The following MACROD1 variants were observed in gnomAD, a reference collection of about 807,000 sequenced individuals.
MACROD1 encodes ADP-ribose glycohydrolase MACROD1.
Under a neutral mutation model 41.4 loss-of-function variants are expected in MACROD1, and 31 were observed. The observed-to-expected ratio is 0.75, with a 90% CI of 0.56 to 1.01. MACROD1 has a LOEUF of 1.01. Among genes scored for constraint, MACROD1 ranks in the 50% least tolerant of loss-of-function variants. MACROD1 has a pLI of 0.00. For synonymous variants in MACROD1, 252 were observed against 203.4 expected (o/e 1.24, Z -2.03); for missense variants, 473 against 460.0 (o/e 1.03, Z -0.26).
chr11:64,066,041 A>T (rs976835400), intron 3 of MACROD1, among the ~76,000 whole-genome samples: 1 of 151,774 alleles, frequency 6.6e-6, no homozygotes, highest in African/African-American at 2.4e-5. Flanking sequence ...CACGCCTGTA[A>T]TCCCAACACT....
rs202201413 is a variant in MACROD1 at position 64,117,137 on chromosome 11, G to A, written c.517+34102C>T. ...TCAGCCACATCCCCTACAACACGCT[G>A]GCCAAGATGCGTGAGCTGGAGCGGC... On this transcript the variant is annotated intron_variant, in intron 3 of 10. Transcript: ENST00000255681. 3.7e-5 allele frequency: 60 copies of A among 1,613,284 alleles called. No homozygotes were observed. The East Asian group carries it at 1.2e-3, about 33-fold the overall frequency.
chr11:64,148,857 C>T (rs753379521), intron 3 of MACROD1: 186 of 985,468 alleles, frequency 1.9e-4, no homozygotes, highest in African/African-American at 2.6e-4. Context: ...GGAGCCAAGG[C>T]CACCCAGGAC....
intron 1 of MACROD1, among the ~76,000 whole-genome samples, chr11:64,161,214 C>T (rs901641418): frequency 3.9e-5 from 6 of 152,098 alleles, no homozygotes; most frequent in African/African-American, 1.2e-4. Context: ...GGGAAACAAG[C>T]TGTGGTACGT....
intron 3 of MACROD1, among the ~76,000 whole-genome samples, chr11:64,034,037 C>T (rs926923600): frequency 6.6e-5 from 10 of 152,298 alleles, no homozygotes; most frequent in East Asian, 1.9e-4. Flanking sequence ...CATTCCACTG[C>T]GAGGCATTGA....
chr11:64,073,722 A>C (rs890219405), intron 3 of MACROD1, among the ~76,000 whole-genome samples: 2 of 152,094 alleles, frequency 1.3e-5, no homozygotes, highest in Non-Finnish European at 2.9e-5. Flanking sequence ...TCGCCTCCCA[A>C]ACACACTCCT....
At chr11:64,076,189 C>T (rs1195539550) in intron 3 of MACROD1, among the ~76,000 whole-genome samples, 1 of 152,230 alleles carries the variant, frequency 6.6e-6, no homozygotes, top group African/African-American at 2.4e-5. Context: ...CCTTCCCTTG[C>T]TGTGCTCCTG....
chr11:64,088,875 C>G (rs1018392146), intron 3 of MACROD1, among the ~76,000 whole-genome samples: 1 of 151,996 alleles, frequency 6.6e-6, no homozygotes, highest in Admixed American at 6.6e-5. Flanking sequence ...CAGGCGGAAT[C>G]GGGTGTATTG....
intron 3 of MACROD1, among the ~76,000 whole-genome samples, chr11:64,112,032 C>A (rs1434788883): frequency 6.6e-6 from 1 of 152,218 alleles, no homozygotes; most frequent in South Asian, 2.1e-4. Flanking sequence ...GGAATCCAGA[C>A]CCCACCTCCT....
At position 64,072,022 on chromosome 11, in the gene MACROD1, C is replaced by T. The variant is rs193116554; in HGVS notation, c.518-56741G>A. On this transcript the variant is annotated intron_variant, in intron 3 of 10. Coordinates refer to ENST00000255681, the MANE Select transcript of MACROD1 (RefSeq NM_014067.4). The stretch of plus-strand genomic sequence containing the variant: ...TCCAGCAGGTCGATAGCAAAACAAA[C>T]GCACTATTGACCGCCGCGCGCACTA... Among the ~76,000 whole-genome samples, 495 of 152,370 alleles carry T rather than the reference C, an allele frequency of 3.2e-3. 1 individual carries two copies. The highest frequency in any genetic ancestry group is 0.01 in the Middle Eastern group (3 of 294).
At chr11:64,027,779 CG>C (rs1175971803) in intron 3 of MACROD1, among the ~76,000 whole-genome samples, 1 of 152,194 alleles carries the variant, frequency 6.6e-6, no homozygotes, top group African/African-American at 2.4e-5. Context: ...AGGATCCTCC[CG>C]GGGCCCCCAG....
intron 4 of MACROD1, chr11:64,001,082 C>T (rs1942817252): frequency 3.7e-6 from 1 of 270,892 alleles, no homozygotes; most frequent in Admixed American, 4.9e-5. Context: ...TGCAGGGCCT[C>T]GCGAGCGACC....
At chr11:64,048,878 C>T (rs924705866) in intron 3 of MACROD1, among the ~76,000 whole-genome samples, 1 of 152,216 alleles carries the variant, frequency 6.6e-6, no homozygotes, top group East Asian at 1.9e-4. Flanking sequence ...AAACCCAAAG[C>T]CGCCCTTGCC....
At chr11:64,148,748 G>A (rs1003703478) in intron 3 of MACROD1, 9 of 985,638 alleles carry the variant, frequency 9.1e-6, no homozygotes, top group African/African-American at 1.7e-5. Flanking sequence ...AAGCCCTGCC[G>A]TTGCCAACGA....
chr11:64,072,434 A>AAC (rs375725201), intron 3 of MACROD1, among the ~76,000 whole-genome samples: 10,081 of 152,226 alleles, frequency 0.066, 390 homozygotes, highest in South Asian at 0.16. Flanking sequence ...AAAAAAAAAA[A>AAC]AATAATAATT....
rs145628694 is a variant in MACROD1 at position 64,067,261 on chromosome 11, C to T, written c.518-51980G>A. Among the ~76,000 whole-genome samples the T allele has an allele frequency of 1.5e-3, 228 of 152,166 alleles. 2 individuals are homozygous for T. In the Middle Eastern group the frequency reaches 0.037, roughly 25 times the overall value. On this transcript the variant is annotated intron_variant, in intron 3 of 10. Coordinates refer to ENST00000255681, the MANE Select transcript of MACROD1 (RefSeq NM_014067.4). The surrounding 1 kb of genome is among the most constrained non-coding windows in gnomAD (Gnocchi z 4.6). ...GGCACCCACTCCCACCTGTGCGGCA[C>T]GAGAGGGAGGGAAGGAGCATCATTA...
chr11:64,131,572 C>T (rs937873893), intron 3 of MACROD1, among the ~76,000 whole-genome samples: 7 of 152,176 alleles, frequency 4.6e-5, no homozygotes, highest in African/African-American at 1.7e-4. Context: ...ATGATCCACC[C>T]GCATCGGCCT....
intron 3 of MACROD1, among the ~76,000 whole-genome samples, chr11:64,043,444 C>T (rs960940462): frequency 1.4e-4 from 21 of 152,162 alleles, no homozygotes; most frequent in African/African-American, 4.1e-4. Flanking sequence ...GGACTCTAAA[C>T]GCCTGGTTGT....
rs1945492441 is a variant in MACROD1 at position 64,146,147 on chromosome 11, C to T, written c.517+5092G>A. Among the ~76,000 whole-genome samples the T allele has an allele frequency of 1.3e-5, 2 of 152,204 alleles. No individual in the cohort carries two copies. ...ATCTGTCAGGAACAAGAAGTCCACA[C>T]ACACAGGTCTGGTGCACCAGGAAAC... is the stretch of plus-strand genomic sequence containing the variant. On this transcript the variant is annotated intron_variant, in intron 3 of 10. Coordinates refer to ENST00000255681, the MANE Select transcript of MACROD1 (RefSeq NM_014067.4). The surrounding 1 kb of genome is among the most constrained non-coding windows in gnomAD (Gnocchi z 4.7).
At chr11:64,158,214 G>A (rs1457081961) in intron 1 of MACROD1, among the ~76,000 whole-genome samples, 3 of 152,084 alleles carry the variant, frequency 2.0e-5, no homozygotes, top group Non-Finnish European at 4.4e-5. Context: ...AGTCACCAAG[G>A]AGAGGATGGC....
Sources: allele counts gnomAD v4.1 joint callset (sites outside exome capture counted in the v4.1 genomes callset), GRCh38; gene constraint gnomAD v4.1.1; non-coding constraint Gnocchi (gnomAD v3.1); transcripts MANE v1.5; gene names NCBI Gene and HGNC (gene_info 2026-07-23, HGNC 2026-07-21).